The following NBEAL1 variants were observed in gnomAD, a reference collection of about 807,000 sequenced individuals.
NBEAL1 encodes neurobeachin like 1.
Under a neutral mutation model 351.3 loss-of-function variants are expected in NBEAL1, and 273 were observed. The observed-to-expected ratio is 0.78, with a 90% confidence interval of 0.70 to 0.86. NBEAL1 has a LOEUF of 0.86. Among genes scored for constraint, NBEAL1 ranks in the 40% least tolerant of loss-of-function variants. NBEAL1 has a pLI of 0.00. For synonymous variants in NBEAL1, 1,050 were observed against 1,086.4 expected (o/e 0.97, Z 0.66); for missense variants, 2,961 against 3,201.3 (o/e 0.92, Z 1.81).
intron 2 of NBEAL1, among the ~76,000 whole-genome samples, chr2:203,022,457 G>A (rs1433255236): frequency 1.3e-5 from 2 of 152,020 alleles, no homozygotes; most frequent in Non-Finnish European, 2.9e-5. Context: ...TATTAGAGGT[G>A]ATATTTAGTC....
In NBEAL1 at chr2:203,056,367, A is replaced by C. The variant is rs889354442; in HGVS notation, c.306-60A>C. ...TGTTCTCATAATTCAAGCTGAATTC[A>C]TGAACATATGTTTTGTTCACCATTC... On this transcript the variant is annotated intron_variant, in intron 4 of 55. Coordinates refer to ENST00000683969, the MANE Select transcript of NBEAL1 (RefSeq NM_001378026.1). The C allele has an allele frequency of 1.1e-5, 10 of 885,618 alleles. No individual in the cohort carries two copies. The African/African-American group carries it at 1.5e-4, about 13-fold the overall frequency. The allele number at this position is 885,618 out of a possible 1,614,324, so 54.9% of individuals were successfully genotyped here.
rs2064675951 is a variant in NBEAL1, at chr2:203,180,477, T to A, written c.6560T>A (p.Phe2187Tyr). ...GATGTTAAAGAACTTATTCCTGAAT[T>A]CTTCTATTTCCCAGAGTTTTTGGAA... ...PYDVKELIPE[F>Y]FYFPEFLENQ... is the part of the protein sequence containing the mutation. Residue 2187 changes from phenylalanine (F) to tyrosine (Y), a missense_variant, in exon 43 of 56, where the codon TTC becomes TAC. By Grantham distance (22) the Phe-to-Tyr change is conservative (BLOSUM62 3). Transcript: ENST00000683969. The A allele has an allele frequency of 6.2e-7, 1 of 1,611,466 alleles. No homozygotes were observed. The highest frequency in any genetic ancestry group is 1.7e-5 in the Admixed American group (1 of 59,786).
At chr2:203,034,849 G>T (rs1399538089) in intron 2 of NBEAL1, among the ~76,000 whole-genome samples, 2 of 148,164 alleles carry the variant, frequency 1.3e-5, no homozygotes, top group African/African-American at 2.4e-5. Flanking sequence ...CAATGTTTCT[G>T]TGGGGGGAAT....
intron 18 of NBEAL1, among the ~76,000 whole-genome samples, chr2:203,118,668 T>C (rs1397195889): frequency 6.6e-6 from 1 of 151,684 alleles, no homozygotes; most frequent in Non-Finnish European, 1.5e-5. Context: ...CTTGGCTCAC[T>C]GCAGCCTCTG....
intron 17 of NBEAL1, 54 bp downstream of exon 17, chr2:203,113,372 T>C: frequency 1.0e-6 from 1 of 987,422 alleles, no homozygotes; most frequent in East Asian, 3.1e-5. Flanking sequence ...TTTTGTTGTC[T>C]AAATATATTC....
intron 11 of NBEAL1, among the ~76,000 whole-genome samples, chr2:203,098,632 A>G (rs1050396612): frequency 2.6e-5 from 4 of 152,128 alleles, no homozygotes; most frequent in Non-Finnish European, 5.9e-5. Context: ...CTGGAATTTA[A>G]CATATCTCTT....
chr2:203,128,191 G>A (rs1575011102), intron 24 of NBEAL1, among the ~76,000 whole-genome samples: 1 of 149,850 alleles, frequency 6.7e-6, no homozygotes, highest in Non-Finnish European at 1.5e-5. Context: ...AGGAGAAGTG[G>A]TTCTCCTGCC....
intron 42 of NBEAL1, among the ~76,000 whole-genome samples, chr2:203,179,506 A>G: frequency 6.6e-6 from 1 of 152,052 alleles, no homozygotes; most frequent in East Asian, 1.9e-4. Flanking sequence ...ACATAAAATT[A>G]ATTAATTGAA....
intron 19 of NBEAL1, 72 bp downstream of exon 19, chr2:203,122,415 A>C: frequency 1.1e-6 from 1 of 918,422 alleles, no homozygotes; most frequent in Non-Finnish European, 1.7e-6. Context: ...TTTTGTTTTT[A>C]AAGCACTGCC....
At chr2:203,045,942 A>G (rs2061218072) in intron 3 of NBEAL1, among the ~76,000 whole-genome samples, 1 of 152,210 alleles carries the variant, frequency 6.6e-6, no homozygotes, top group South Asian at 2.1e-4. Context: ...ACATTTTTAT[A>G]GATCTTTCTA....
chr2:203,189,249 G>A (rs1453771587), intron 45 of NBEAL1, among the ~76,000 whole-genome samples: 2 of 152,106 alleles, frequency 1.3e-5, no homozygotes, highest in Non-Finnish European at 2.9e-5. Flanking sequence ...ATTACCTTTT[G>A]AAACCTTTGT....
chr2:203,130,594 T>C (rs1311305934), intron 25 of NBEAL1, 118 bp downstream of exon 25: 1 of 623,436 alleles, frequency 1.6e-6, no homozygotes, highest in East Asian at 3.5e-5. Context: ...TCTAAGATGT[T>C]CAACTTATTT....
chr2:203,175,884 C>G (rs2064484004), intron 42 of NBEAL1, among the ~76,000 whole-genome samples: 1 of 152,164 alleles, frequency 6.6e-6, no homozygotes, highest in Non-Finnish European at 1.5e-5. Context: ...CTTCCCTACC[C>G]AAACCAGAGC....
chr2:203,077,703 C>A, intron 7 of NBEAL1, 49 bp from the exon 8 acceptor site: 2 of 1,087,270 alleles, frequency 1.8e-6, no homozygotes, highest in Non-Finnish European at 2.5e-6. Context: ...ATAAATCATA[C>A]TGTGAAAGAC....
intron 42 of NBEAL1, among the ~76,000 whole-genome samples, chr2:203,178,003 A>G (rs1421699897): frequency 1.4e-5 from 2 of 147,332 alleles, no homozygotes; most frequent in South Asian, 2.3e-4. Flanking sequence ...TGGGCGACAG[A>G]GCAATACTCC....
At chr2:203,215,595 G>A (rs1303563570) in intron 55 of NBEAL1, among the ~76,000 whole-genome samples, 1 of 152,112 alleles carries the variant, frequency 6.6e-6, no homozygotes, top group East Asian at 1.9e-4. Flanking sequence ...GGCTGAGGCA[G>A]GAGAATCGCT....
chr2:203,017,111 G>A (rs1377982008), intron 2 of NBEAL1, among the ~76,000 whole-genome samples: 1 of 152,112 alleles, frequency 6.6e-6, no homozygotes, highest in African/African-American at 2.4e-5. Flanking sequence ...TTGTCTTTAT[G>A]TGAATTTTTA....
chr2:203,209,446 ATCAT>A, intron 53 of NBEAL1, 124 bp downstream of exon 53: 1 of 724,596 alleles, frequency 1.4e-6, no homozygotes. Flanking sequence ...TTTTTCTTTC[ATCAT>A]TCAGTTGTTC....
At chr2:203,095,979 A>G (rs1356268983) in intron 10 of NBEAL1, among the ~76,000 whole-genome samples, 1 of 151,316 alleles carries the variant, frequency 6.6e-6, no homozygotes, top group Non-Finnish European at 1.5e-5. Flanking sequence ...CCGGTCTGGA[A>G]CTCCTGACCT....
Sources: allele counts gnomAD v4.1 joint callset (sites outside exome capture counted in the v4.1 genomes callset), GRCh38; gene constraint gnomAD v4.1.1; transcripts MANE v1.5; gene names NCBI Gene and HGNC (gene_info 2026-07-23, HGNC 2026-07-21).